MAGI2: variants seen among roughly 807,000 people sequenced by gnomAD.
MAGI2 encodes the protein membrane associated guanylate kinase, WW and PDZ domain containing 2, also known as membrane-associated guanylate kinase, WW and PDZ domain-containing protein 2.
In MAGI2, 35 loss-of-function variants were observed where a neutral mutation model predicts 133.3. That is an observed-to-expected ratio of 0.26 (90% CI 0.20 to 0.35). MAGI2 has a LOEUF of 0.35. Among genes scored for constraint, MAGI2 ranks in the 10% least tolerant of loss-of-function variants. MAGI2 has a pLI of 1.00. For synonymous variants in MAGI2, 729 were observed against 710.6 expected (o/e 1.03, Z -0.41); for missense variants, 1,636 against 1,863.4 (o/e 0.88, Z 2.25).
At chr7:79,146,827 T>C (rs1375961664) in intron 1 of MAGI2, among the ~76,000 whole-genome samples, 1 of 152,216 alleles carries the variant, frequency 6.6e-6, no homozygotes, top group Non-Finnish European at 1.5e-5. Context: ...GCTAACACAA[T>C]GGATAATGTC....
chr7:78,557,080 CAAAAAAAA>C (rs796371005), intron 3 of MAGI2, among the ~76,000 whole-genome samples: 1 of 40,952 alleles, frequency 2.4e-5, no homozygotes, highest in Non-Finnish European at 4.4e-5. Flanking sequence ...GGCAGAGTCT[CAAAAAAAA>C]AAAAAAAAAA....
chr7:78,171,722 T>C (rs1727602006), intron 14 of MAGI2, among the ~76,000 whole-genome samples: 2 of 152,196 alleles, frequency 1.3e-5, no homozygotes, highest in Admixed American at 1.3e-4. Flanking sequence ...CACACCCTTT[T>C]AGTCTTGCTG....
intron 2 of MAGI2, among the ~76,000 whole-genome samples, chr7:78,910,644 T>A (rs1798334029): frequency 6.6e-6 from 1 of 152,198 alleles, no homozygotes; most frequent in South Asian, 2.1e-4. Context: ...ACAACACTAG[T>A]CTAATATTCC....
intron 6 of MAGI2, among the ~76,000 whole-genome samples, chr7:78,433,974 T>A (rs1023626356): frequency 4.3e-4 from 65 of 152,210 alleles, no homozygotes; most frequent in African/African-American, 1.5e-3. Flanking sequence ...AGCCAAATAC[T>A]ATGGTCAAGT....
rs182429052 is a variant in MAGI2 at position 78,635,113 on chromosome 7, C to T, written c.419-7874G>A. On this transcript the variant is annotated intron_variant, in intron 2 of 21. Coordinates refer to ENST00000354212, the MANE Select transcript of MAGI2 (RefSeq NM_012301.4). ...TTCATGAGTTAATGAAAGCATACAGCGTTTCTGCTCAAAAGACATGTCTAA... is the reference window on the plus strand; with the variant it reads ...TTCATGAGTTAATGAAAGCATACAGTGTTTCTGCTCAAAAGACATGTCTAA... 4.8e-4 allele frequency among the ~76,000 whole-genome samples: 73 copies of T among 152,238 alleles called. No individual in the cohort carries two copies. In the South Asian group the frequency reaches 9.5e-3, roughly 20 times the overall value.
intron 1 of MAGI2, among the ~76,000 whole-genome samples, chr7:79,391,526 T>TATATATAGAC (rs1844633694): frequency 9.3e-6 from 1 of 107,490 alleles, no homozygotes; most frequent in Non-Finnish European, 1.7e-5. Flanking sequence ...TATATATATA[T>TATATATAGAC]ATATATATAT....
intron 16 of MAGI2, among the ~76,000 whole-genome samples, chr7:78,142,167 G>A (rs910628737): frequency 2.6e-5 from 4 of 152,056 alleles, no homozygotes; most frequent in Admixed American, 2.6e-4. Flanking sequence ...TGCTCAAAAG[G>A]GCCTGGTGTT....
intron 1 of MAGI2, among the ~76,000 whole-genome samples, chr7:79,284,660 T>G (rs1835878111): frequency 6.6e-6 from 1 of 152,136 alleles, no homozygotes; most frequent in South Asian, 2.1e-4. Context: ...TTAGCTCTGA[T>G]TTAAGAAGAT....
intron 7 of MAGI2, among the ~76,000 whole-genome samples, chr7:78,353,737 A>G (rs1311931659): frequency 6.6e-6 from 1 of 152,164 alleles, no homozygotes; most frequent in Non-Finnish European, 1.5e-5. Context: ...GTAGATATAG[A>G]GGTGCTCAAT....
chr7:78,661,256 T>A (rs532720806), intron 2 of MAGI2, among the ~76,000 whole-genome samples: 2 of 147,602 alleles, frequency 1.4e-5, no homozygotes, highest in African/African-American at 5.0e-5. Flanking sequence ...TTGCTATTCT[T>A]ATTTTTCATT....
intron 2 of MAGI2, among the ~76,000 whole-genome samples, chr7:78,952,242 G>A (rs1182144522): frequency 6.6e-6 from 1 of 152,084 alleles, no homozygotes; most frequent in Non-Finnish European, 1.5e-5. Context: ...GTTTGAGGGT[G>A]GGGTCATTGT....
At chr7:78,963,090 AT>A (rs1802992417) in intron 2 of MAGI2, among the ~76,000 whole-genome samples, 1 of 152,056 alleles carries the variant, frequency 6.6e-6, no homozygotes, top group African/African-American at 2.4e-5. Context: ...TCTGTAAACT[AT>A]GAGTTATGGA....
chr7:78,700,186 A>G (rs1817923081), intron 2 of MAGI2, among the ~76,000 whole-genome samples: 1 of 152,132 alleles, frequency 6.6e-6, no homozygotes, highest in Non-Finnish European at 1.5e-5. Flanking sequence ...GTCAGATTAC[A>G]TTTGACTATG....
intron 1 of MAGI2, among the ~76,000 whole-genome samples, chr7:79,214,957 A>G (rs1015287999): frequency 6.7e-6 from 1 of 149,338 alleles, no homozygotes; most frequent in Non-Finnish European, 1.5e-5. Context: ...ATGTTTATAT[A>G]AACTTTATTT....
intron 1 of MAGI2, among the ~76,000 whole-genome samples, chr7:79,122,914 A>T (rs1244727611): frequency 1.3e-5 from 2 of 151,858 alleles, no homozygotes; most frequent in Non-Finnish European, 2.9e-5. Context: ...CTGGTTTTGA[A>T]CTCCTGACCT....
chr7:79,100,425 A>G lies in MAGI2; in HGVS notation c.302-93219T>C, dbSNP rs185010609. Among the ~76,000 whole-genome samples the G allele has an allele frequency of 8.5e-5, 13 of 152,072 alleles. No individual in the cohort carries two copies. In the East Asian group the frequency reaches 2.5e-3, roughly 29 times the overall value. On this transcript the variant is annotated intron_variant, in intron 1 of 21. Coordinates refer to ENST00000354212, the MANE Select transcript of MAGI2 (RefSeq NM_012301.4). ...ATTTTAGCCAATATAATAGTGAAAA[A>G]TATGTCATTGTTTCCATTCATATTT...
intron 2 of MAGI2, among the ~76,000 whole-genome samples, chr7:78,924,039 G>C (rs1799487659): frequency 6.6e-6 from 1 of 152,120 alleles, no homozygotes; most frequent in Non-Finnish European, 1.5e-5. Flanking sequence ...TTTGTATATT[G>C]ATTTTGTATC....
chr7:79,029,618 C>G lies in MAGI2; in HGVS notation c.302-22412G>C, dbSNP rs1288207811. ...TTAGTGTAAAATGCAGAATGTGAGG[C>G]TCAGAGTAGTAAAACTAAATTATTT... is the stretch of plus-strand genomic sequence containing the variant. On this transcript the variant is annotated intron_variant, in intron 1 of 21. Coordinates refer to ENST00000354212, the MANE Select transcript of MAGI2 (RefSeq NM_012301.4). 2.6e-5 allele frequency among the ~76,000 whole-genome samples: 4 copies of G among 152,114 alleles called. No individual in the cohort carries two copies. The South Asian group carries it at 6.2e-4, about 24-fold the overall frequency.
At chr7:78,694,384 C>G (rs12538706) in intron 2 of MAGI2, among the ~76,000 whole-genome samples, 7,847 of 152,218 alleles carry the variant, frequency 0.052, 282 homozygotes, top group Non-Finnish European at 0.077. Flanking sequence ...TAGCATCGCT[C>G]TCATGAGTTC....
Sources: gnomAD v4.1 joint callset for allele counts (sites outside exome capture counted in the v4.1 genomes callset) on GRCh38, gnomAD v4.1.1 for gene constraint, MANE v1.5 for transcripts, NCBI Gene and HGNC (gene_info 2026-07-23, HGNC 2026-07-21) for gene names.